FNDC3A: variants seen among roughly 807,000 people sequenced by gnomAD.
FNDC3A encodes the protein fibronectin type-III domain-containing protein 3A.
In FNDC3A, 32 loss-of-function variants were observed where a neutral mutation model predicts 148.9. The observed-to-expected ratio is 0.21, with a 90% confidence interval of 0.16 to 0.29. The LOEUF is 0.29. Ranked by LOEUF, FNDC3A falls within the 10% of genes least tolerant of loss-of-function variation. The pLI is 1.00. For missense variants in FNDC3A, 1,191 were observed against 1,452.8 expected, an observed-to-expected ratio of 0.82 and a Z score of 2.93; for synonymous variants, 472 against 473.6, an observed-to-expected ratio of 1.00 and a Z score of 0.04.
At chr13:49,045,432 T>C in intron 2 of FNDC3A, 1 of 168,262 alleles carries the variant, frequency 5.9e-6, no homozygotes, top group Non-Finnish European at 1.3e-5. Flanking sequence ...GGATTGCAGG[T>C]GTGAGCCACC....
intron 14 of FNDC3A, among the ~76,000 whole-genome samples, chr13:49,184,473 C>T (rs1221180723): frequency 1.3e-5 from 2 of 152,004 alleles, no homozygotes; most frequent in African/African-American, 2.4e-5. Context: ...TAAAGTTAAC[C>T]AGATATAGTA....
chr13:49,017,259 G>A (rs1019473323), intron 2 of FNDC3A, among the ~76,000 whole-genome samples: 1 of 152,118 alleles, frequency 6.6e-6, no homozygotes, highest in Non-Finnish European at 1.5e-5. Flanking sequence ...AGGTCACTCA[G>A]GACTTGCTTT....
At chr13:49,088,362 C>G (rs1878950911) in intron 3 of FNDC3A, among the ~76,000 whole-genome samples, 2 of 152,136 alleles carry the variant, frequency 1.3e-5, no homozygotes, top group Admixed American at 1.3e-4. Flanking sequence ...CCAAAGAGAT[C>G]ATGTTTGGGC....
chr13:49,097,235 C>G (rs958894193), intron 3 of FNDC3A, among the ~76,000 whole-genome samples: 1 of 151,520 alleles, frequency 6.6e-6, no homozygotes, highest in Non-Finnish European at 1.5e-5. Flanking sequence ...TTACAAATTT[C>G]ACAGACAAGA....
At chr13:48,988,667 C>A (rs1378173969) in intron 1 of FNDC3A, among the ~76,000 whole-genome samples, 1 of 151,806 alleles carries the variant, frequency 6.6e-6, no homozygotes, top group Non-Finnish European at 1.5e-5. Context: ...CATAGCAAGA[C>A]CTTGTTTTTA....
At chr13:49,123,088 C>G (rs954610422) in intron 4 of FNDC3A, among the ~76,000 whole-genome samples, 2 of 152,290 alleles carry the variant, frequency 1.3e-5, no homozygotes, top group South Asian at 4.1e-4. Context: ...TGCTGCCTGA[C>G]TTCAAACTAT....
intron 17 of FNDC3A, among the ~76,000 whole-genome samples, chr13:49,189,154 T>A (rs1360096147): frequency 6.9e-6 from 1 of 145,858 alleles, no homozygotes; most frequent in African/African-American, 2.6e-5. Context: ...TGTATGTTTA[T>A]TAATGAGTGA....
intron 8 of FNDC3A, among the ~76,000 whole-genome samples, chr13:49,163,154 C>T (rs1397105806): frequency 6.6e-6 from 1 of 152,200 alleles, no homozygotes; most frequent in Non-Finnish European, 1.5e-5. Context: ...AGAACCACTA[C>T]TCTCCTCAAA....
chr13:49,073,730 ATGTATATATAATATATG>A (rs1164771168), intron 2 of FNDC3A, among the ~76,000 whole-genome samples: 4 of 144,990 alleles, frequency 2.8e-5, no homozygotes, highest in Admixed American at 6.9e-5. Flanking sequence ...TATAATATAT[ATGTATATATAATATATG>A]TGTATATATA....
At chr13:49,109,553 A>C (rs112925523) in intron 3 of FNDC3A, among the ~76,000 whole-genome samples, 1 of 152,184 alleles carries the variant, frequency 6.6e-6, no homozygotes, top group Non-Finnish European at 1.5e-5. Flanking sequence ...AAGATCTCCA[A>C]AAGTTCTTAT....
At chr13:49,030,379 A>C (rs1233878380) in intron 2 of FNDC3A, among the ~76,000 whole-genome samples, 3 of 152,134 alleles carry the variant, frequency 2.0e-5, no homozygotes, top group Non-Finnish European at 4.4e-5. Flanking sequence ...CAACCTCATA[A>C]AAGGCATCTG....
intron 3 of FNDC3A, among the ~76,000 whole-genome samples, chr13:49,091,508 G>A (rs1879189897): frequency 6.6e-6 from 1 of 152,192 alleles, no homozygotes; most frequent in South Asian, 2.1e-4. Context: ...CTACTTCCAT[G>A]CAGAGTACAC....
At chr13:48,987,821 A>T (rs965597818) in intron 1 of FNDC3A, 2 of 152,252 alleles carry the variant, frequency 1.3e-5, no homozygotes, top group African/African-American at 4.8e-5. Flanking sequence ...TTGCATTATG[A>T]AACTATGGCT....
chr13:49,019,531 C>G (rs1260023604), intron 2 of FNDC3A, among the ~76,000 whole-genome samples: 1 of 152,192 alleles, frequency 6.6e-6, no homozygotes, highest in African/African-American at 2.4e-5. Context: ...GAACCCGGTA[C>G]CTCAGATGGA....
intron 8 of FNDC3A, among the ~76,000 whole-genome samples, chr13:49,165,850 G>A (rs1380317930): frequency 6.6e-6 from 1 of 152,122 alleles, no homozygotes; most frequent in African/African-American, 2.4e-5. Context: ...AGGCCCACAG[G>A]TGGTACATGC....
intron 1 of FNDC3A, among the ~76,000 whole-genome samples, chr13:48,997,530 A>G (rs1208060312): frequency 6.6e-6 from 1 of 152,058 alleles, no homozygotes; most frequent in Non-Finnish European, 1.5e-5. Flanking sequence ...CTTAGAGGAG[A>G]GCATGAGCAT....
rs566622991 is a variant in FNDC3A at position 49,159,602 on chromosome 13, C to A, written c.978-7642C>A. ...GACTTCCTGTTTTCCTAACTGAATACCATTTATTTCTTTCTCCTGCCTGAT... is the reference window on the plus strand; with the variant it reads ...GACTTCCTGTTTTCCTAACTGAATAACATTTATTTCTTTCTCCTGCCTGAT... On this transcript the variant is annotated intron_variant, in intron 8 of 25. Transcript: ENST00000492622. Among the ~76,000 whole-genome samples, 14 of 152,238 alleles carry A rather than the reference C, an allele frequency of 9.2e-5. No homozygotes were observed. The South Asian group carries it at 2.7e-3, about 29-fold the overall frequency.
chr13:49,086,430 T>C (rs182122554), intron 3 of FNDC3A, among the ~76,000 whole-genome samples: 1 of 152,342 alleles, frequency 6.6e-6, no homozygotes, highest in Admixed American at 6.5e-5. Context: ...AGCTCTCAAA[T>C]AGTTACATAT....
intron 1 of FNDC3A, among the ~76,000 whole-genome samples, chr13:48,989,050 C>G (rs1951860595): frequency 6.6e-6 from 1 of 152,120 alleles, no homozygotes; most frequent in Non-Finnish European, 1.5e-5. Context: ...CCTGTTTCCA[C>G]TAGCTAGAAC....
Sources: gnomAD v4.1 joint callset for allele counts (sites outside exome capture counted in the v4.1 genomes callset) on GRCh38, gnomAD v4.1.1 for gene constraint, MANE v1.5 for transcripts, NCBI Gene and HGNC (gene_info 2026-07-23, HGNC 2026-07-21) for gene names.